Variants in CRYBA1 observed in about 807,000 individuals in gnomAD.
The protein encoded by CRYBA1 is beta-crystallin A3.
CRYBA1 carries 25 observed loss-of-function variants against 36.2 expected under a neutral mutation model. The observed-to-expected ratio is 0.69, with a 90% CI of 0.50 to 0.97. The LOEUF is 0.97. Ranked by LOEUF, CRYBA1 falls within the 50% of genes least tolerant of loss-of-function variation. CRYBA1 has a pLI of 0.00. For synonymous variants in CRYBA1, 111 were observed against 90.0 expected (o/e 1.23, Z -1.32); for missense variants, 224 against 276.3 (o/e 0.81, Z 1.34).
At chr17:29,249,931 C>G (rs1387631526) in intron 2 of CRYBA1, among the ~76,000 whole-genome samples, 1 of 152,168 alleles carries the variant, frequency 6.6e-6, no homozygotes, top group African/African-American at 2.4e-5. Flanking sequence ...TAGATATTAT[C>G]CCTGGCAGAC....
chr17:29,252,869 A>T lies in CRYBA1; in HGVS notation c.357+664A>T, dbSNP rs543243844. On this transcript the variant is annotated intron_variant, in intron 4 of 5. Coordinates refer to ENST00000225387, the MANE Select transcript of CRYBA1 (RefSeq NM_005208.5). Reference sequence around the variant, plus strand: ...GGTTAATAATCTCATCTTGGTTCAAAGTCTTGCCAAAATTCAACTGGTGGA... The same window carrying T: ...GGTTAATAATCTCATCTTGGTTCAATGTCTTGCCAAAATTCAACTGGTGGA... 7.2e-5 allele frequency among the ~76,000 whole-genome samples: 11 copies of T among 152,348 alleles called. No homozygotes were observed. The East Asian group carries it at 7.7e-4, about 11-fold the overall frequency.
At chr17:29,252,930 G>A (rs2068944936) in intron 4 of CRYBA1, among the ~76,000 whole-genome samples, 3 of 152,144 alleles carry the variant, frequency 2.0e-5, no homozygotes. Flanking sequence ...CAAATAAATA[G>A]TTGCCTGTCT....
chr17:29,247,924 C>T (rs2068910385), intron 1 of CRYBA1, among the ~76,000 whole-genome samples: 1 of 152,196 alleles, frequency 6.6e-6, no homozygotes, highest in Non-Finnish European at 1.5e-5. Context: ...CAAGACCAGC[C>T]TGACCAACAG....
intron 3 of CRYBA1, among the ~76,000 whole-genome samples, chr17:29,251,238 A>G (rs1277727239): frequency 1.3e-5 from 2 of 152,204 alleles, no homozygotes; most frequent in Admixed American, 1.3e-4. Context: ...AGGGGTGTCT[A>G]ATCTTTTTGG....
rs898012075 is a variant in CRYBA1, at chr17:29,254,482, T to A, written c.*133T>A. The A allele has an allele frequency of 1.4e-4, 104 of 722,198 alleles. No homozygotes were observed. Among genetic ancestry groups the A allele is most frequent in the Admixed American group, 1.1e-3 (37 of 34,340 alleles). The allele number at this position is 722,198 out of a possible 1,614,324, so 44.7% of individuals were successfully genotyped here. On this transcript the variant is annotated 3_prime_UTR_variant, in exon 6 of 6. Coordinates refer to ENST00000225387, the MANE Select transcript of CRYBA1 (RefSeq NM_005208.5). ...GCTGAAATCCACAATAAACGTCATT[T>A]AAAAAAAAAAAACTTTGTAGACTGA...
chr17:29,249,471 C>G (rs2068922339), intron 2 of CRYBA1, among the ~76,000 whole-genome samples: 1 of 152,214 alleles, frequency 6.6e-6, no homozygotes, highest in Non-Finnish European at 1.5e-5. Flanking sequence ...CTAAAGTCAT[C>G]TTAAAATACA....
intron 4 of CRYBA1, 21 bp from the exon 5 acceptor site, chr17:29,253,619 A>T: frequency 6.2e-7 from 1 of 1,604,764 alleles, no homozygotes; most frequent in Non-Finnish European, 8.5e-7. Flanking sequence ...TAAACATTTT[A>T]AAACAATTTC....
chr17:29,251,858 C>T (rs1164835449), intron 3 of CRYBA1, among the ~76,000 whole-genome samples: 15 of 152,194 alleles, frequency 9.9e-5, no homozygotes, highest in Non-Finnish European at 1.6e-4. Flanking sequence ...CAGTGATAAC[C>T]CCCAAACAAA....
chr17:29,247,874 T>C (rs2068910096), intron 1 of CRYBA1, among the ~76,000 whole-genome samples: 1 of 152,148 alleles, frequency 6.6e-6, no homozygotes, highest in Admixed American at 6.5e-5. Context: ...CGCAGCACTT[T>C]GGGAGGCCAA....
At chr17:29,252,778 T>A (rs578075673) in intron 4 of CRYBA1, among the ~76,000 whole-genome samples, 1 of 152,312 alleles carries the variant, frequency 6.6e-6, no homozygotes, top group Admixed American at 6.5e-5. Flanking sequence ...GATCCCTGTA[T>A]TAGGAGTTAG....
intron 4 of CRYBA1, among the ~76,000 whole-genome samples, chr17:29,252,738 C>T (rs1056558591): frequency 2.0e-5 from 3 of 152,140 alleles, no homozygotes; most frequent in African/African-American, 7.2e-5. Flanking sequence ...AAGCAGAAAG[C>T]AGAATGACCT....
At chr17:29,253,559 A>AG (rs2068948791) in intron 4 of CRYBA1, 81 bp from the exon 5 acceptor site, 1 of 1,182,494 alleles carries the variant, frequency 8.5e-7, no homozygotes, top group Admixed American at 1.9e-5. Flanking sequence ...ATAATCCAAA[A>AG]GTGTTTCAAT....
At chr17:29,248,048 G>A (rs183548570) in intron 1 of CRYBA1, among the ~76,000 whole-genome samples, 3 of 152,114 alleles carry the variant, frequency 2.0e-5, no homozygotes, top group East Asian at 1.9e-4. Flanking sequence ...CCTGGGAGGC[G>A]GAGGTTGCGG....
intron 2 of CRYBA1, 91 bp downstream of exon 2, chr17:29,249,297 T>C: frequency 3.3e-6 from 3 of 908,926 alleles, no homozygotes; most frequent in African/African-American, 1.6e-5. Flanking sequence ...AGGCAGTGAC[T>C]GACCAGAAAA....
At chr17:29,253,042 G>C (rs1056127908) in intron 4 of CRYBA1, among the ~76,000 whole-genome samples, 11 of 152,164 alleles carry the variant, frequency 7.2e-5, no homozygotes, top group Admixed American at 5.2e-4. Flanking sequence ...ATATTCTCAT[G>C]AGTTTTTGAA....
chr17:29,249,215 A>G lies in CRYBA1; in HGVS notation c.96+9A>G. ...CCCTGGGGCCATGGAAGGTAAGCCC[A>G]CCCCCATCACATCCAACAGGGCAGG... On this transcript the variant is annotated intron_variant, in intron 2 of 5. Transcript: ENST00000225387. The G allele has an allele frequency of 2.5e-6, 4 of 1,588,048 alleles. No homozygotes were observed. Among genetic ancestry groups the G allele is most frequent in the Non-Finnish European group, 3.5e-6 (4 of 1,156,700 alleles).
At chr17:29,250,750 A>G (rs1178808886) in intron 3 of CRYBA1, among the ~76,000 whole-genome samples, 1 of 152,074 alleles carries the variant, frequency 6.6e-6, no homozygotes, top group African/African-American at 2.4e-5. Context: ...CTTTATGAAA[A>G]AAAAAACCTT....
At position 29,246,909 on chromosome 17, in the gene CRYBA1, C is replaced by T. The variant is rs1396543227; in HGVS notation, c.31+15C>T. ...GCAGGAGCTGGGTGAGTAAGGCCCT[C>T]AGGGTGCCCTTGCCCTTCCTCTCCT... On this transcript the variant is annotated intron_variant, in intron 1 of 5. Coordinates refer to ENST00000225387, the MANE Select transcript of CRYBA1 (RefSeq NM_005208.5). 2.5e-6 allele frequency: 4 copies of T among 1,607,972 alleles called. No individual in the cohort carries two copies. In the African/African-American group the frequency reaches 5.3e-5, roughly 21 times the overall value.
At position 29,247,028 on chromosome 17, in the gene CRYBA1, CG is replaced by C. The variant is rs1229079095; in HGVS notation, c.31+136del. On this transcript the variant is annotated intron_variant, in intron 1 of 5. Transcript: ENST00000225387. ...GCTGGAGAAGAGTGGGGAACTCTGGCGGAAGACAGCCTTCTCTTGTCACCCC... is the reference window on the plus strand; with the variant it reads ...GCTGGAGAAGAGTGGGGAACTCTGGCGAAGACAGCCTTCTCTTGTCACCCC... The C allele has an allele frequency of 3.1e-6, 3 of 952,876 alleles. No individual in the cohort carries two copies. In the African/African-American group the frequency reaches 4.9e-5, roughly 15 times the overall value. The allele number at this position is 952,876 out of a possible 1,614,324, so 59.0% of individuals were successfully genotyped here. A position where few individuals can be genotyped will look rare whatever the true frequency, so the allele number is the denominator to read the frequency against.
Sources: allele counts gnomAD v4.1 joint callset (sites outside exome capture counted in the v4.1 genomes callset), GRCh38; gene constraint gnomAD v4.1.1; transcripts MANE v1.5; gene names NCBI Gene and HGNC (gene_info 2026-07-23, HGNC 2026-07-21).